SLC7A6: variants seen among roughly 807,000 people sequenced by gnomAD.
SLC7A6 encodes solute carrier family 7 member 6, also known as Y+L amino acid transporter 2.
A neutral mutation model predicts 46.6 loss-of-function variants in SLC7A6; 29 were observed. That is an observed-to-expected ratio of 0.62 (90% CI 0.46 to 0.85). SLC7A6 has a LOEUF of 0.85. SLC7A6 is among the 40% of genes least tolerant of loss of function. The pLI, the probability that SLC7A6 is intolerant of heterozygous loss-of-function variation, is 0.00. For missense variants in SLC7A6, 527 were observed against 647.6 expected (o/e 0.81, Z 2.02); for synonymous variants, 276 against 257.3 (o/e 1.07, Z -0.70).
chr16:68,296,916 C>T, intron 10 of SLC7A6, 106 bp downstream of exon 10: 1 of 1,191,506 alleles, frequency 8.4e-7, no homozygotes, highest in African/African-American at 1.5e-5. Flanking sequence ...TGCTGGAGGC[C>T]ATGTGACCCA....
Position 68,301,084 on chromosome 16 carries a change from G to GT in SLC7A6, c.*3757dup, listed in dbSNP as rs1328615207. ...TTGATTGAGGCAAAGGGGTCCTACT[G>GT]TAAGTGGAAAAGACTCACTCCCCTA... On this transcript the variant is annotated 3_prime_UTR_variant, in exon 11 of 11. Coordinates refer to ENST00000219343, the MANE Select transcript of SLC7A6 (RefSeq NM_003983.6). 1.0e-5 allele frequency: 13 copies of GT among 1,290,230 alleles called. No homozygotes were observed. Among genetic ancestry groups the GT allele is most frequent in the South Asian group, 2.6e-5 (1 of 38,668 alleles). The allele number at this position is 1,290,230 out of a possible 1,614,324, so 79.9% of individuals were successfully genotyped here.
rs2043133107 is a variant in SLC7A6, at chr16:68,294,930, T to C, written c.1119+129T>C. ...TAAGATGTGAAAAACAGTTCATTTT[T>C]TGTTGTCATTTAATTCTTTTATGGT... is the stretch of plus-strand genomic sequence containing the variant. On this transcript the variant is annotated intron_variant, in intron 8 of 10. Transcript: ENST00000219343. 3 of 629,262 alleles carry C rather than the reference T, an allele frequency of 4.8e-6. No homozygotes were observed. In the East Asian group the frequency reaches 8.3e-5, roughly 17 times the overall value. 39.0% of individuals were successfully genotyped at this position (629,262 alleles called of 1,614,324 possible).
intron 3 of SLC7A6, among the ~76,000 whole-genome samples, chr16:68,280,758 A>AAC (rs1491200548): frequency 2.0e-5 from 3 of 150,074 alleles, no homozygotes; most frequent in Non-Finnish European, 4.4e-5. Context: ...TTTTTGAGAC[A>AAC]GAGTCTTGCT....
chr16:68,273,667 G>A (rs1335078162), intron 2 of SLC7A6: 3 of 152,098 alleles, frequency 2.0e-5, no homozygotes, highest in African/African-American at 2.4e-5. Flanking sequence ...GTCTTATTAC[G>A]TAACCCTTCT....
chr16:68,280,886 A>G (rs567566518), intron 3 of SLC7A6, among the ~76,000 whole-genome samples: 1 of 152,268 alleles, frequency 6.6e-6, no homozygotes, highest in East Asian at 1.9e-4. Flanking sequence ...GGTGCCTGCC[A>G]CCACGCCTGG....
At chr16:68,271,053 T>C (rs946299761) in intron 2 of SLC7A6, among the ~76,000 whole-genome samples, 2 of 152,170 alleles carry the variant, frequency 1.3e-5, no homozygotes, top group African/African-American at 4.8e-5. Flanking sequence ...TCTTGCTGTG[T>C]TGTCCAGGCT....
intron 3 of SLC7A6, among the ~76,000 whole-genome samples, chr16:68,285,118 GGT>G (rs1161484265): frequency 6.6e-6 from 1 of 151,914 alleles, no homozygotes; most frequent in African/African-American, 2.4e-5. Context: ...ATTTACTTAT[GGT>G]TTCTGTCCCT....
chr16:68,285,021 C>G (rs2151223543), intron 3 of SLC7A6, among the ~76,000 whole-genome samples: 1 of 151,482 alleles, frequency 6.6e-6, no homozygotes, highest in Non-Finnish European at 1.5e-5. Flanking sequence ...CAGGTGTGCA[C>G]CGCTGCCCCG....
rs2043072780 is a variant in SLC7A6, at chr16:68,292,262, GA to G, written c.1022+602del. The G allele has an allele frequency of 2.0e-5, 3 of 152,630 alleles. No individual in the cohort carries two copies. The South Asian group carries it at 6.2e-4, about 32-fold the overall frequency. The allele number at this position is 152,630 out of a possible 1,614,324, so 9.5% of individuals were successfully genotyped here. On this transcript the variant is annotated intron_variant, in intron 7 of 10. Transcript: ENST00000219343. ...CAGGTCTCCTGATCTCCTCTGTGCA[GA>G]CATCTATAAGCGTGCTGGTCCTTCC... is the stretch of plus-strand genomic sequence containing the variant.
chr16:68,274,845 A>T lies in SLC7A6; in HGVS notation c.119A>T (p.Gln40Leu), dbSNP rs750090317. The T allele has an allele frequency of 2.5e-6, 4 of 1,614,106 alleles. No individual in the cohort carries two copies. The highest frequency in any genetic ancestry group is 3.4e-6 in the Non-Finnish European group (4 of 1,180,046). The change falls in exon 3 of 11, where the codon CAG becomes CTG. Residue 40 changes from glutamine to leucine, a missense_variant. Coordinates refer to ENST00000219343, the MANE Select transcript of SLC7A6 (RefSeq NM_003983.6). Reference protein sequence around the residue: ...SPPQRSSETMQLKKEISLLNG... With the variant: ...SPPQRSSETMLLKKEISLLNG... ...CCTCAAAGGTCCTCCGAAACTATGC[A>T]GCTGAAGAAGGAGATCTCCCTGCTG...
intron 4 of SLC7A6, among the ~76,000 whole-genome samples, chr16:68,288,786 A>G (rs533436904): frequency 2.2e-4 from 34 of 151,976 alleles, no homozygotes; most frequent in Admixed American, 1.3e-4. Flanking sequence ...CAACATAGAG[A>G]AACCCTGTCT....
chr16:68,278,452 C>CTT (rs755853676), intron 3 of SLC7A6, among the ~76,000 whole-genome samples: 1,581 of 139,086 alleles, frequency 0.011, 32 homozygotes, highest in African/African-American at 0.037. Flanking sequence ...ACCCTGCGGC[C>CTT]TTTTTTTTTT....
In SLC7A6 at chr16:68,274,768, T is replaced by G; in HGVS notation, c.42T>G (p.His14Gln). 6.2e-7 allele frequency: 1 copy of G among 1,614,204 alleles called. No individual in the cohort carries two copies. The highest frequency in any genetic ancestry group is 8.5e-7 in the Non-Finnish European group (1 of 1,180,024). The change falls in exon 3 of 11, where the codon CAT becomes CAG. Residue 14 changes from histidine (H) to glutamine (Q), a missense_variant. Coordinates refer to ENST00000219343, the MANE Select transcript of SLC7A6 (RefSeq NM_003983.6). ...CTGGGAGGCCCACACCCACCTACCA[T>G]CTTGTCCCTAACACCAGCCAGTCCC... is the stretch of plus-strand genomic sequence containing the variant. ...REPGRPTPTY[H>Q]LVPNTSQSQV...
chr16:68,276,385 A>G (rs371374325), intron 3 of SLC7A6, among the ~76,000 whole-genome samples: 1 of 152,328 alleles, frequency 6.6e-6, no homozygotes. Flanking sequence ...GGTACTTAAT[A>G]ATATTCTGTT....
chr16:68,283,480 G>C (rs2042865874), intron 3 of SLC7A6, among the ~76,000 whole-genome samples: 1 of 152,040 alleles, frequency 6.6e-6, no homozygotes, highest in African/African-American at 2.4e-5. Context: ...CATCCCGGGA[G>C]AAAACCTGGT....
chr16:68,291,060 A>G lies in SLC7A6; in HGVS notation c.795-149A>G, dbSNP rs1452843476. On this transcript the variant is annotated intron_variant, in intron 5 of 10. Coordinates refer to ENST00000219343, the MANE Select transcript of SLC7A6 (RefSeq NM_003983.6). The stretch of plus-strand genomic sequence containing the variant: ...AGTTGGGTCTTTCTCAATAGAAAGA[A>G]CCCAGGGTCAAGGGGAAGGTGAGCC... 4 of 927,534 alleles carry G rather than the reference A, an allele frequency of 4.3e-6. No homozygotes were observed. The Admixed American group carries it at 6.7e-5, about 16-fold the overall frequency. The allele number at this position is 927,534 out of a possible 1,614,324, so 57.5% of individuals were successfully genotyped here. A position where few individuals can be genotyped will look rare whatever the true frequency, so the allele number is the denominator to read the frequency against.
At chr16:68,292,768 A>G (rs1318771899) in intron 7 of SLC7A6, 1 of 152,232 alleles carries the variant, frequency 6.6e-6, no homozygotes, top group Non-Finnish European at 1.5e-5. Flanking sequence ...ATTCTTATTA[A>G]GGCGATCTCT....
rs1041749849 is a variant in SLC7A6 at position 68,300,185 on chromosome 16, T to C, written c.*2857T>C. 3 of 152,152 alleles carry C rather than the reference T, an allele frequency of 2.0e-5. No homozygotes were observed. Among genetic ancestry groups the C allele is most frequent in the African/African-American group, 4.8e-5 (2 of 41,430 alleles). The allele number at this position is 152,152 out of a possible 1,614,324, so 9.4% of individuals were successfully genotyped here. Reference sequence around the variant, plus strand: ...CTAATTACATTAAAATGAAATAAAATTAAAAGCTCAGTTTCTCAGTTGCGC... The same window carrying C: ...CTAATTACATTAAAATGAAATAAAACTAAAAGCTCAGTTTCTCAGTTGCGC... On this transcript the variant is annotated 3_prime_UTR_variant, in exon 11 of 11. Coordinates refer to ENST00000219343, the MANE Select transcript of SLC7A6 (RefSeq NM_003983.6).
intron 3 of SLC7A6, among the ~76,000 whole-genome samples, chr16:68,275,969 T>C (rs777892100): frequency 2.6e-5 from 4 of 152,240 alleles, no homozygotes; most frequent in Non-Finnish European, 4.4e-5. Flanking sequence ...GTTATTTTAT[T>C]TCCCAGATTT....
Sources: allele counts gnomAD v4.1 joint callset (sites outside exome capture counted in the v4.1 genomes callset), GRCh38; gene constraint gnomAD v4.1.1; transcripts MANE v1.5; gene names NCBI Gene and HGNC (gene_info 2026-07-23, HGNC 2026-07-21).